MIPOL1: variants seen among roughly 807,000 people sequenced by gnomAD.
MIPOL1 encodes mirror-image polydactyly gene 1 protein.
Under a neutral mutation model 60.9 loss-of-function variants are expected in MIPOL1, and 57 were observed. The observed-to-expected ratio is 0.94, with a 90% CI of 0.76 to 1.17. MIPOL1 has a LOEUF of 1.17. Among genes scored for constraint, MIPOL1 ranks in the 50% most tolerant of loss-of-function variants. The pLI, the probability that MIPOL1 is intolerant of heterozygous loss-of-function variation, is 0.00. For synonymous variants in MIPOL1, 179 were observed against 168.8 expected (o/e 1.06, Z -0.47); for missense variants, 551 against 511.6 (o/e 1.08, Z -0.74).
At position 37,391,658 on chromosome 14, in the gene MIPOL1, T is replaced by A. The variant is rs1203508967; in HGVS notation, c.936+22034T>A. On this transcript the variant is annotated intron_variant, in intron 10 of 12. Transcript: ENST00000684589. ...ATCCACCTGCCTCAGCCTCCCAAAG[T>A]GCTGGGATTACAGGCATGAGCCACC... is the stretch of plus-strand genomic sequence containing the variant. 3.3e-5 allele frequency among the ~76,000 whole-genome samples: 5 copies of A among 152,244 alleles called. No individual in the cohort carries two copies. The East Asian group carries it at 9.6e-4, about 29-fold the overall frequency.
chr14:37,309,263 C>G (rs1013023448), intron 9 of MIPOL1, among the ~76,000 whole-genome samples: 2 of 152,124 alleles, frequency 1.3e-5, no homozygotes, highest in Admixed American at 6.6e-5. Context: ...GCCACCACAC[C>G]TGGCCTTGTT....
At chr14:37,259,862 A>G (rs961703236) in intron 3 of MIPOL1, among the ~76,000 whole-genome samples, 27 of 152,158 alleles carry the variant, frequency 1.8e-4, no homozygotes, top group African/African-American at 6.5e-4. Flanking sequence ...GTGCTGATCT[A>G]TATGATTAAA....
chr14:37,372,455 C>T (rs1000106153), intron 10 of MIPOL1, among the ~76,000 whole-genome samples: 18 of 151,914 alleles, frequency 1.2e-4, no homozygotes, highest in African/African-American at 4.1e-4. Context: ...GAGGCAATTA[C>T]ACTAGATAAT....
chr14:37,360,817 T>TGCACATGAGATGGG (rs2092187743), intron 9 of MIPOL1, among the ~76,000 whole-genome samples: 1 of 152,122 alleles, frequency 6.6e-6, no homozygotes, highest in African/African-American at 2.4e-5. Flanking sequence ...TCCCTATTTC[T>TGCACATGAGATGGG]TTCAGTTCTG....
At chr14:37,342,109 C>T (rs1393582449) in intron 9 of MIPOL1, among the ~76,000 whole-genome samples, 2 of 152,076 alleles carry the variant, frequency 1.3e-5, no homozygotes, top group East Asian at 3.9e-4. Context: ...TGCCTGTAAT[C>T]CCAGCACTTT....
intron 1 of MIPOL1, among the ~76,000 whole-genome samples, chr14:37,209,935 T>C (rs1966666742): frequency 1.3e-5 from 2 of 151,798 alleles, no homozygotes; most frequent in Non-Finnish European, 1.5e-5. Flanking sequence ...AGTCTTAAAC[T>C]CTGCTCCTTA....
chr14:37,295,944 C>T (rs574070181), intron 7 of MIPOL1, among the ~76,000 whole-genome samples: 18 of 152,184 alleles, frequency 1.2e-4, no homozygotes, highest in East Asian at 7.7e-4. Context: ...CAGCTCTGCA[C>T]CAAGCAGACC....
chr14:37,325,107 T>C (rs1257367411), intron 9 of MIPOL1, among the ~76,000 whole-genome samples: 1 of 152,152 alleles, frequency 6.6e-6, no homozygotes, highest in Non-Finnish European at 1.5e-5. Flanking sequence ...GTTGAATCTA[T>C]AGATCATTGG....
intron 11 of MIPOL1, among the ~76,000 whole-genome samples, chr14:37,483,776 G>A (rs745827718): frequency 6.6e-6 from 1 of 151,962 alleles, no homozygotes; most frequent in Non-Finnish European, 1.5e-5. Flanking sequence ...CCTGGACTAC[G>A]AGTGTATGCC....
chr14:37,406,944 C>G (rs1344291925), intron 10 of MIPOL1, among the ~76,000 whole-genome samples: 4 of 152,062 alleles, frequency 2.6e-5, no homozygotes, highest in African/African-American at 9.7e-5. Context: ...TAACGGGCAT[C>G]TAACTAGCAA....
At chr14:37,265,123 T>C (rs1358153132) in intron 3 of MIPOL1, 3 of 152,226 alleles carry the variant, frequency 2.0e-5, no homozygotes, top group Non-Finnish European at 4.4e-5. Flanking sequence ...ATTTATTTCT[T>C]CTCCTCTATA....
At chr14:37,337,352 ATAT>A (rs2090224110) in intron 9 of MIPOL1, among the ~76,000 whole-genome samples, 3 of 35,458 alleles carry the variant, frequency 8.5e-5, no homozygotes, top group African/African-American at 4.6e-4. Flanking sequence ...ATATATATAT[ATAT>A]ATTTTTTTTT....
intron 11 of MIPOL1, among the ~76,000 whole-genome samples, chr14:37,464,405 A>G (rs534713330): frequency 1.3e-5 from 2 of 152,352 alleles, no homozygotes; most frequent in South Asian, 4.1e-4. Context: ...AGCCATGAAA[A>G]AGAATGAAAA....
At chr14:37,467,710 A>G (rs2094618019) in intron 11 of MIPOL1, among the ~76,000 whole-genome samples, 1 of 152,166 alleles carries the variant, frequency 6.6e-6, no homozygotes, top group Non-Finnish European at 1.5e-5. Context: ...ACAAATATTA[A>G]GCAGTCTTTG....
intron 1 of MIPOL1, among the ~76,000 whole-genome samples, chr14:37,235,066 C>T (rs564510918): frequency 5.3e-5 from 8 of 151,122 alleles, no homozygotes; most frequent in African/African-American, 1.5e-4. Context: ...GCTGGGATTA[C>T]AGGCGTGAGC....
At chr14:37,251,236 A>C (rs1157824688) in intron 3 of MIPOL1, among the ~76,000 whole-genome samples, 1 of 151,786 alleles carries the variant, frequency 6.6e-6, no homozygotes, top group Non-Finnish European at 1.5e-5. Context: ...AATTTTTTTA[A>C]AAATGGTTTG....
intron 11 of MIPOL1, among the ~76,000 whole-genome samples, chr14:37,431,864 C>T (rs1316998546): frequency 6.6e-6 from 1 of 151,926 alleles, no homozygotes; most frequent in African/African-American, 2.4e-5. Flanking sequence ...GGATTACAGG[C>T]GTGAGCCACT....
chr14:37,438,255 T>C (rs1204363091), intron 11 of MIPOL1, among the ~76,000 whole-genome samples: 2 of 152,236 alleles, frequency 1.3e-5, no homozygotes, highest in East Asian at 3.8e-4. Context: ...AAGTATAACA[T>C]TTTCTTCAAT....
At chr14:37,372,518 C>T (rs1023565560) in intron 10 of MIPOL1, among the ~76,000 whole-genome samples, 46 of 151,970 alleles carry the variant, frequency 3.0e-4, no homozygotes, top group Admixed American at 3.9e-4. Flanking sequence ...CTTAGGGAGG[C>T]TGAGATGGGT....
Sources: allele counts gnomAD v4.1 joint callset (sites outside exome capture counted in the v4.1 genomes callset), GRCh38; gene constraint gnomAD v4.1.1; transcripts MANE v1.5; gene names NCBI Gene and HGNC (gene_info 2026-07-23, HGNC 2026-07-21).